Variants in FBLN2 observed in about 807,000 individuals in gnomAD.
The protein encoded by FBLN2 is fibulin 2, also known as fibulin-2.
A neutral mutation model predicts 123.7 loss-of-function variants in FBLN2; 81 were observed. That is an observed-to-expected ratio of 0.65 (90% CI 0.55 to 0.79). FBLN2 has a LOEUF of 0.79. FBLN2 is among the 30% of genes least tolerant of loss of function. The probability of loss-of-function intolerance (pLI) is 0.00; values close to 1 mark genes in which losing one functional copy is unlikely to be tolerated. For missense variants in FBLN2, 1,603 were observed against 1,681.3 expected (o/e 0.95, Z 0.81); for synonymous variants, 699 against 701.4 (o/e 1.00, Z 0.05).
At chr3:13,606,021 C>T in intron 2 of FBLN2, among the ~76,000 whole-genome samples, 1 of 152,146 alleles carries the variant, frequency 6.6e-6, no homozygotes, top group East Asian at 1.9e-4. Context: ...CCCCCCTCCC[C>T]ATCCCTGGGC....
At position 13,571,263 on chromosome 3, in the gene FBLN2, G is replaced by T. The variant is rs549408473; in HGVS notation, c.908G>T (p.Gly303Val). 2 of 1,568,350 alleles carry T rather than the reference G, an allele frequency of 1.3e-6. No homozygotes were observed. The highest frequency in any genetic ancestry group is 1.4e-5 in the African/African-American group (1 of 73,944). The change falls in exon 2 of 18, where the codon GGG becomes GTG. Residue 303 changes from glycine to valine, a missense_variant. Physicochemically the swap from Gly to Val is moderately radical, Grantham distance 109. Coordinates refer to ENST00000404922, the MANE Select transcript of FBLN2 (RefSeq NM_001004019.2). Reference protein sequence around the residue: ...TEQLAAGGHRGLDGLPTTAPA... With the variant: ...TEQLAAGGHRVLDGLPTTAPA... ...CAGCTGGCAGCAGGTGGCCACAGGG[G>T]GCTGGATGGGCTGCCCACTACAGCC...
At chr3:13,562,537 A>G (rs1174088867) in intron 1 of FBLN2, among the ~76,000 whole-genome samples, 1 of 151,894 alleles carries the variant, frequency 6.6e-6, no homozygotes, top group East Asian at 1.9e-4. Context: ...TTGTATTTTT[A>G]ATAGAGATGG....
In FBLN2 at chr3:13,570,734, G is replaced by T. The variant is rs778513581; in HGVS notation, c.379G>T (p.Val127Leu). The change falls in exon 2 of 18, where the codon GTG becomes TTG. Residue 127 changes from valine (V) to leucine (L), a missense_variant. Val to Leu is a conservative substitution (Grantham distance 32). Transcript: ENST00000404922. ...LPPNCIEAVV[V>L]ADSCPQCGQV... is the part of the protein sequence containing the mutation. ...GCCCAACTGCATCGAGGCTGTAGTG[G>T]TGGCTGACAGCTGCCCACAGTGCGG... The T allele has an allele frequency of 1.9e-6, 3 of 1,601,238 alleles. No individual in the cohort carries two copies. Among genetic ancestry groups the T allele is most frequent in the Non-Finnish European group, 2.6e-6 (3 of 1,174,428 alleles).
chr3:13,551,844 C>CT (rs34105173), intron 1 of FBLN2, among the ~76,000 whole-genome samples: 104,299 of 133,202 alleles, frequency 0.78, 41,262 homozygotes, highest in East Asian at 0.99. Flanking sequence ...CCGGCCCCTC[C>CT]TTTTTTTTTT....
At chr3:13,562,786 C>A (rs113999147) in intron 1 of FBLN2, among the ~76,000 whole-genome samples, 1 of 152,210 alleles carries the variant, frequency 6.6e-6, no homozygotes, top group Admixed American at 6.5e-5. Context: ...AGCAGGAACT[C>A]CTCCTGCTTC....
At chr3:13,616,584 A>T (rs377606889) in intron 5 of FBLN2, among the ~76,000 whole-genome samples, 2 of 152,164 alleles carry the variant, frequency 1.3e-5, no homozygotes, top group East Asian at 3.9e-4. Context: ...AACACCCTCC[A>T]TATGAAACAC....
intron 1 of FBLN2, among the ~76,000 whole-genome samples, chr3:13,555,600 G>A (rs998145620): frequency 9.2e-5 from 14 of 152,144 alleles, no homozygotes; most frequent in Admixed American, 6.5e-4. Context: ...GACTACAGGC[G>A]CCCGCCACCA....
At chr3:13,564,775 T>C (rs1559399456) in intron 1 of FBLN2, among the ~76,000 whole-genome samples, 1 of 152,220 alleles carries the variant, frequency 6.6e-6, no homozygotes, top group Non-Finnish European at 1.5e-5. Context: ...CCTTCCAGTG[T>C]CCTCGCCAGC....
intron 1 of FBLN2, among the ~76,000 whole-genome samples, chr3:13,556,039 G>A (rs1400888476): frequency 6.6e-6 from 1 of 152,190 alleles, no homozygotes; most frequent in East Asian, 1.9e-4. Flanking sequence ...GATGGAGGAG[G>A]CCCCAGCCCT....
At chr3:13,629,321 G>A in intron 13 of FBLN2, 29 bp downstream of exon 13, 1 of 1,583,816 alleles carries the variant, frequency 6.3e-7, no homozygotes, top group Non-Finnish European at 8.6e-7. Flanking sequence ...AGGACCCCTG[G>A]GGAACACCTG....
At position 13,571,151 on chromosome 3, in the gene FBLN2, G is replaced by T; in HGVS notation, c.796G>T (p.Val266Leu). Residue 266 changes from valine to leucine, a missense_variant, in exon 2 of 18, where the codon GTG becomes TTG. Coordinates refer to ENST00000404922, the MANE Select transcript of FBLN2 (RefSeq NM_001004019.2). ...AAAALGPPAP[V>L]QAKARRVTED... ...TGCTGCCCTGGGTCCCCCAGCCCCA[G>T]TGCAGGCCAAAGCTAGGAGAGTGAC... is the stretch of plus-strand genomic sequence containing the variant. 6.4e-7 allele frequency: 1 copy of T among 1,556,874 alleles called. No homozygotes were observed. The highest frequency in any genetic ancestry group is 1.2e-5 in the South Asian group (1 of 84,458).
At chr3:13,575,671 C>T (rs540118219) in intron 2 of FBLN2, among the ~76,000 whole-genome samples, 33 of 152,270 alleles carry the variant, frequency 2.2e-4, no homozygotes, top group Non-Finnish European at 4.0e-4. Flanking sequence ...AGAGAGGCCT[C>T]GGGCATCAAG....
In FBLN2 at chr3:13,618,975, A is replaced by G. The variant is rs764879736; in HGVS notation, c.2011A>G (p.Asn671Asp). 1.2e-6 allele frequency: 2 copies of G among 1,613,082 alleles called. No homozygotes were observed. The highest frequency in any genetic ancestry group is 4.5e-5 in the East Asian group (2 of 44,872). ...GTCAGAATTTTCCCAGGTGGCCTCT[A>G]ACACCATCCCGCTGCCACTGCCGCA... ...LKSEFSQVAS[N>D]TIPLPLPQPN... is the part of the protein sequence containing the mutation. Residue 671 changes from asparagine to aspartate, a missense_variant, in exon 7 of 18, where the codon AAC becomes GAC. Transcript: ENST00000404922.
At chr3:13,614,895 T>C (rs1022395604) in intron 5 of FBLN2, among the ~76,000 whole-genome samples, 2 of 146,180 alleles carry the variant, frequency 1.4e-5, no homozygotes, top group Non-Finnish European at 3.0e-5. Context: ...TGATCATCTA[T>C]TCATCTATCC....
chr3:13,600,703 C>T (rs1358676235), intron 2 of FBLN2, among the ~76,000 whole-genome samples: 2 of 151,672 alleles, frequency 1.3e-5, no homozygotes, highest in Non-Finnish European at 2.9e-5. Flanking sequence ...GCAACCTCCG[C>T]CTCACGGGTT....
chr3:13,568,351 C>G (rs1460591731), intron 1 of FBLN2, among the ~76,000 whole-genome samples: 1 of 152,244 alleles, frequency 6.6e-6, no homozygotes, highest in Non-Finnish European at 1.5e-5. Flanking sequence ...GTCCTACCTT[C>G]AAAATAGATC....
At position 13,637,783 on chromosome 3, in the gene FBLN2, G is replaced by T. The variant is rs953414296; in HGVS notation, c.3560G>T (p.Gly1187Val). The change falls in exon 18 of 18, where the codon GGT becomes GTT. Residue 1187 changes from glycine to valine, a missense_variant. Physicochemically the swap from Gly to Val is moderately radical, Grantham distance 109 (BLOSUM62 -3). Transcript: ENST00000404922. The stretch of plus-strand genomic sequence containing the variant: ...ACGCGCAGGCTCAATGCCTACACGG[G>T]TGTGGTCTACCTGCAGCGGGCCGTG... ...FGTRRLNAYTGVVYLQRAVLE... is the reference protein window; with the variant it reads ...FGTRRLNAYTVVVYLQRAVLE... The T allele has an allele frequency of 7.4e-6, 12 of 1,613,808 alleles. No individual in the cohort carries two copies. Among genetic ancestry groups the T allele is most frequent in the Admixed American group, 5.0e-5 (3 of 60,008 alleles).
At chr3:13,568,775 C>T in intron 1 of FBLN2, 2 of 985,744 alleles carry the variant, frequency 2.0e-6, no homozygotes, top group Non-Finnish European at 2.4e-6. Context: ...GGGCTCATGC[C>T]TGCCTGGCGT....
chr3:13,618,614 C>G (rs1162704850), intron 6 of FBLN2, among the ~76,000 whole-genome samples: 1 of 152,228 alleles, frequency 6.6e-6, no homozygotes, highest in African/African-American at 2.4e-5. Flanking sequence ...GATTTCCTCC[C>G]AGTCACTGGT....
Sources: allele counts gnomAD v4.1 joint callset (sites outside exome capture counted in the v4.1 genomes callset), GRCh38; gene constraint gnomAD v4.1.1; transcripts MANE v1.5; gene names NCBI Gene and HGNC (gene_info 2026-07-23, HGNC 2026-07-21).